Variants in ENKUR observed in about 807,000 individuals in gnomAD.
ENKUR encodes enkurin.
Under a neutral mutation model 27.6 loss-of-function variants are expected in ENKUR, and 19 were observed. The observed-to-expected ratio is 0.69, with a 90% CI of 0.48 to 1.01. ENKUR has a LOEUF of 1.01. Ranked by LOEUF, ENKUR falls within the 50% of genes least tolerant of loss-of-function variation. The probability of loss-of-function intolerance (pLI) is 0.00; values close to 1 mark genes in which losing one functional copy is unlikely to be tolerated. For missense variants in ENKUR, 312 were observed against 310.5 expected, an observed-to-expected ratio of 1.00 and a Z score of -0.04; for synonymous variants, 117 against 96.9, an observed-to-expected ratio of 1.21 and a Z score of -1.22.
upstream of ENKUR, chr10:25,016,633 C>T (rs1441637495): frequency 6.6e-6 from 1 of 152,422 alleles, no homozygotes; most frequent in African/African-American, 2.4e-5. Flanking sequence ...GCACGCTGGC[C>T]GCCGCAGGCA....
chr10:24,996,546 A>T (rs1045985558), intron 2 of ENKUR, among the ~76,000 whole-genome samples: 16 of 152,078 alleles, frequency 1.1e-4, no homozygotes, highest in African/African-American at 3.9e-4. Context: ...CAGTTTGATC[A>T]TTCCCATTGA....
intron 3 of ENKUR, among the ~76,000 whole-genome samples, chr10:24,993,731 G>C (rs1423516456): frequency 6.6e-6 from 1 of 152,182 alleles, no homozygotes; most frequent in Non-Finnish European, 1.5e-5. Flanking sequence ...GGTGCACAGT[G>C]CTTTCATGGT....
chr10:24,992,012 C>T (rs981798711), intron 3 of ENKUR, among the ~76,000 whole-genome samples: 37 of 152,150 alleles, frequency 2.4e-4, no homozygotes, highest in African/African-American at 8.7e-4. Context: ...GTACACTCTG[C>T]GAGGGGAATA....
Position 25,003,421 on chromosome 10 carries a change from G to A in ENKUR, c.78-3875C>T, listed in dbSNP as rs146347697. On this transcript the variant is annotated intron_variant, in intron 1 of 5. Transcript: ENST00000331161. ...AGGGTTTTACCACGTTGGCCAGGCTGGTCTGGAAATCCTGGCCTCAAGTGA... is the reference window on the plus strand; with the variant it reads ...AGGGTTTTACCACGTTGGCCAGGCTAGTCTGGAAATCCTGGCCTCAAGTGA... 3.6e-3 allele frequency among the ~76,000 whole-genome samples: 548 copies of A among 152,264 alleles called. 3 individuals are homozygous for A. The highest frequency in any genetic ancestry group is 6.8e-3 in the Middle Eastern group (2 of 294).
At chr10:25,043,490 T>C (rs903631239) in intron 2 of ENKUR, among the ~76,000 whole-genome samples, 3 of 152,166 alleles carry the variant, frequency 2.0e-5, no homozygotes, top group Admixed American at 6.5e-5. Context: ...GTATATAATA[T>C]CTTTTTATAT....
At position 24,988,690 on chromosome 10, in the gene ENKUR, A is replaced by G. The variant is rs868426720; in HGVS notation, c.594+1773T>C. On this transcript the variant is annotated intron_variant, in intron 4 of 5. Transcript: ENST00000331161. Reference sequence around the variant, plus strand: ...TATATATATATATATATATATATATATATATATATATATATATATATATAT... The same window carrying G: ...TATATATATATATATATATATATATGTATATATATATATATATATATATAT... Among the ~76,000 whole-genome samples the G allele has an allele frequency of 7.7e-4, 25 of 32,404 alleles. 1 individual carries two copies. Among genetic ancestry groups the G allele is most frequent in the African/African-American group, 3.7e-3 (24 of 6,480 alleles). The allele number at this position is 32,404 out of a possible 152,430, so 21.3% of individuals were successfully genotyped here. A position where few individuals can be genotyped will look rare whatever the true frequency, so the allele number is the denominator to read the frequency against.
At chr10:25,017,008 T>G (rs1030287812), upstream of ENKUR, among the ~76,000 whole-genome samples, 2 of 152,160 alleles carry the variant, frequency 1.3e-5, no homozygotes, top group African/African-American at 4.8e-5. Context: ...CTCCTCCGCC[T>G]GCTGCGCTCG....
chr10:24,999,623 T>C (rs1040676002), intron 1 of ENKUR, 77 bp from the exon 2 acceptor site: 2 of 1,275,232 alleles, frequency 1.6e-6, no homozygotes, highest in South Asian at 1.3e-5. Context: ...AGTTTAAATC[T>C]TACATTTTTA....
At chr10:25,055,545 C>CAAAAAAAAAAAAAAAAAAA (rs142864120) in intron 2 of ENKUR, among the ~76,000 whole-genome samples, 1 of 94,350 alleles carries the variant, frequency 1.1e-5, no homozygotes, top group Non-Finnish European at 2.1e-5. Flanking sequence ...AACAAATTGG[C>CAAAAAAAAAAAAAAAAAAA]AAAAAAAAAA....
intron 2 of ENKUR, among the ~76,000 whole-genome samples, chr10:25,043,082 A>C (rs554418581): frequency 1.3e-5 from 2 of 152,296 alleles, no homozygotes; most frequent in African/African-American, 4.8e-5. Flanking sequence ...GTATTAAGGG[A>C]GAACAAGGCA....
At chr10:25,054,820 G>A (rs114576186) in intron 2 of ENKUR, among the ~76,000 whole-genome samples, 3,528 of 151,836 alleles carry the variant, frequency 0.023, 157 homozygotes, top group African/African-American at 0.081. Context: ...GGGACCATAG[G>A]TGCATGCCAC....
At chr10:25,020,881 T>C (rs957716739), upstream of ENKUR, among the ~76,000 whole-genome samples, 1 of 152,162 alleles carries the variant, frequency 6.6e-6, no homozygotes, top group Non-Finnish European at 1.5e-5. Context: ...GCTTCCTGAA[T>C]AGGAGGTTAA....
At chr10:25,052,057 A>G (rs1180071141) in intron 2 of ENKUR, among the ~76,000 whole-genome samples, 3 of 152,254 alleles carry the variant, frequency 2.0e-5, no homozygotes, top group Non-Finnish European at 2.9e-5. Flanking sequence ...CAAAGAATAG[A>G]GCAGAAAGTC....
At chr10:25,018,686 G>T (rs1850660273), upstream of ENKUR, among the ~76,000 whole-genome samples, 1 of 142,674 alleles carries the variant, frequency 7.0e-6, no homozygotes, top group Non-Finnish European at 1.5e-5. Flanking sequence ...TTTTGCGAAG[G>T]ATTATTTTAA....
chr10:25,062,007 C>G (rs543166966), intron 1 of ENKUR, among the ~76,000 whole-genome samples: 15 of 152,148 alleles, frequency 9.9e-5, no homozygotes, highest in Non-Finnish European at 1.6e-4. Context: ...AGAGAAATAA[C>G]GTAACGATAA....
intron 4 of ENKUR, among the ~76,000 whole-genome samples, chr10:24,987,102 T>C (rs1849797816): frequency 1.3e-5 from 2 of 151,806 alleles, no homozygotes. Flanking sequence ...GGGTGGAGAG[T>C]GAGGTTGGGG....
chr10:25,024,435 T>G, intron 2 of ENKUR: 4 of 1,614,088 alleles, frequency 2.5e-6, no homozygotes, highest in Non-Finnish European at 2.5e-6. Flanking sequence ...TAGCTGTGGT[T>G]GCATTTTTTC....
chr10:25,031,341 A>G (rs1422770339), intron 2 of ENKUR, among the ~76,000 whole-genome samples: 3 of 152,102 alleles, frequency 2.0e-5, no homozygotes, highest in African/African-American at 4.8e-5. Context: ...CATTTTTTTT[A>G]TGTAAAGATA....
intron 2 of ENKUR, among the ~76,000 whole-genome samples, chr10:24,996,239 A>G (rs549940579): frequency 6.6e-6 from 1 of 152,352 alleles, no homozygotes; most frequent in East Asian, 1.9e-4. Flanking sequence ...TCTCGGCAAC[A>G]CAGTGAAACC....
Sources: allele counts gnomAD v4.1 joint callset (sites outside exome capture counted in the v4.1 genomes callset), GRCh38; gene constraint gnomAD v4.1.1; transcripts MANE v1.5; gene names NCBI Gene and HGNC (gene_info 2026-07-23, HGNC 2026-07-21).